The following CNNM2 variants were observed in gnomAD, a reference collection of about 807,000 sequenced individuals.
The protein encoded by CNNM2 is cyclin and CBS domain divalent metal cation transport mediator 2.
In CNNM2, 12 loss-of-function variants were observed where a neutral mutation model predicts 66.9. The observed-to-expected ratio is 0.18, with a 90% CI of 0.11 to 0.29. The LOEUF (loss-of-function observed/expected upper bound fraction) is 0.29, where lower values mean the gene tolerates loss of function less well. Ranked by LOEUF, CNNM2 falls within the 10% of genes least tolerant of loss-of-function variation. The probability of loss-of-function intolerance (pLI) is 1.00; values close to 1 mark genes in which losing one functional copy is unlikely to be tolerated. For synonymous variants in CNNM2, 557 were observed against 501.8 expected (o/e 1.11, Z -1.47); for missense variants, 705 against 1,167.7 (o/e 0.60, Z 5.77).
At chr10:103,000,213 G>A (rs1046446910) in intron 1 of CNNM2, among the ~76,000 whole-genome samples, 1 of 151,616 alleles carries the variant, frequency 6.6e-6, no homozygotes, top group Non-Finnish European at 1.5e-5. Context: ...TCCAGCGTGT[G>A]TGACAAGAGC....
chr10:102,921,030 A>T (rs1387046968), intron 1 of CNNM2: 2 of 948,464 alleles, frequency 2.1e-6, no homozygotes, highest in African/African-American at 1.8e-5. Context: ...CATTAAGTTG[A>T]AGTATGTCTC....
chr10:103,043,965 T>TA (rs766492252), intron 1 of CNNM2, among the ~76,000 whole-genome samples: 16 of 152,228 alleles, frequency 1.1e-4, no homozygotes, highest in Non-Finnish European at 1.0e-4. Context: ...CAAGATCTCT[T>TA]ACAGCTTGCA....
rs527530316 is a variant in CNNM2 at position 103,059,728 on chromosome 10, C to CA, written c.2073+2765dup. ...GATTTTGGTGGAAGTGTTTTTCCAC[C>CA]ATCATAGAAGATCAGGCATACTAAA... On this transcript the variant is annotated intron_variant, in intron 4 of 7. Transcript: ENST00000369878. 2.0e-4 allele frequency among the ~76,000 whole-genome samples: 30 copies of CA among 150,960 alleles called. No individual in the cohort carries two copies. The East Asian group carries it at 3.5e-3, about 18-fold the overall frequency.
At chr10:103,063,692 C>T (rs1008126557) in intron 4 of CNNM2, among the ~76,000 whole-genome samples, 1 of 152,182 alleles carries the variant, frequency 6.6e-6, no homozygotes, top group Non-Finnish European at 1.5e-5. Context: ...CCAGTGAGTC[C>T]TTCTTCCAAG....
Position 102,918,608 on chromosome 10 carries a change from CGGCTGCGGGGCGG to C in CNNM2, c.129_141del (p.Ala44CysfsTer7). The stretch of plus-strand genomic sequence containing the variant: ...GCTCGCGGCCGGGGGATCCTGCAGG[CGGCTGCGGGGCGG>C]CTGCTGCCGCTGCTCCTGCTGAGCT... On this transcript the variant is annotated frameshift_variant, in exon 1 of 8. Transcript: ENST00000369878. LOFTEE classifies it high-confidence loss of function. This position sits in a 1 kb window ranked among gnomAD's most constrained non-coding sequence, Gnocchi z 4.1. 6.4e-7 allele frequency: 1 copy of C among 1,553,700 alleles called. No individual in the cohort carries two copies. Among genetic ancestry groups the C allele is most frequent in the Non-Finnish European group, 8.7e-7 (1 of 1,151,592 alleles).
rs2065778800 is a variant in CNNM2 at position 103,083,810 on chromosome 10, G to A, written c.*6630G>A. The A allele has an allele frequency of 6.6e-6, 1 of 152,206 alleles. No individual in the cohort carries two copies. Among genetic ancestry groups the A allele is most frequent in the Non-Finnish European group, 1.5e-5 (1 of 68,058 alleles). The allele number at this position is 152,206 out of a possible 1,614,324, so 9.4% of individuals were successfully genotyped here. A position where few individuals can be genotyped will look rare whatever the true frequency, so the allele number is the denominator to read the frequency against. ...AGGTAAGACCAAAGGTCTCATTCAG[G>A]CCTCTCAATTGGCTCTTGAAAACAA... On this transcript the variant is annotated 3_prime_UTR_variant, in exon 8 of 8. Coordinates refer to ENST00000369878, the MANE Select transcript of CNNM2 (RefSeq NM_017649.5).
chr10:103,089,821 C>T lies in CNNM2; in HGVS notation c.*12641C>T. 6.2e-7 allele frequency: 1 copy of T among 1,614,054 alleles called. No homozygotes were observed. Among genetic ancestry groups the T allele is most frequent in the Non-Finnish European group, 8.5e-7 (1 of 1,179,960 alleles). ...CGCTTGTAGTCAGTGTCTTTGAAAT[C>T]CACTGATGTGCGGTTCCGGGTGGCA... On this transcript the variant is annotated 3_prime_UTR_variant, in exon 8 of 8. Transcript: ENST00000369878.
intron 1 of CNNM2, among the ~76,000 whole-genome samples, chr10:102,997,920 C>T (rs1484114838): frequency 6.6e-6 from 1 of 152,114 alleles, no homozygotes; most frequent in East Asian, 1.9e-4. Context: ...GACATTACTT[C>T]ATGGTTTAGA....
In CNNM2 at chr10:103,077,158, T is replaced by A. The variant is rs373291118; in HGVS notation, c.2606T>A (p.Leu869Gln). The part of the protein sequence containing the change: ...CVTHSKANHS[L>Q]HNEGAI ...ACGCACAGTAAGGCCAACCACAGCCTGCACAACGAAGGCGCCATCTAGGCC... is the reference window on the plus strand; with the variant it reads ...ACGCACAGTAAGGCCAACCACAGCCAGCACAACGAAGGCGCCATCTAGGCC... The change falls in exon 8 of 8, where the codon CTG (leucine) becomes CAG (glutamine). Residue 869 changes from leucine to glutamine, a missense_variant. Around this residue, in one of 9 missense-constraint regions of CNNM2, gnomAD observed 194 missense variants for 227.6 expected, o/e 0.85. Transcript: ENST00000369878. 4 of 1,613,320 alleles carry A rather than the reference T, an allele frequency of 2.5e-6. No individual in the cohort carries two copies. The African/African-American group carries it at 5.3e-5, about 22-fold the overall frequency.
intron 4 of CNNM2, among the ~76,000 whole-genome samples, chr10:103,057,985 C>T (rs950888894): frequency 3.9e-5 from 6 of 152,132 alleles, no homozygotes; most frequent in Non-Finnish European, 8.8e-5. Context: ...GGATATTAGT[C>T]GATAAAATGC....
Position 103,089,852 on chromosome 10 carries a change from A to G in CNNM2, c.*12672A>G, listed in dbSNP as rs2066234998. ...ATGTGCGGTTCCGGGTGGCAAGAGG[A>G]GACTCCATCTCATTGATATCTACGT... is the stretch of plus-strand genomic sequence containing the variant. On this transcript the variant is annotated 3_prime_UTR_variant, in exon 8 of 8. Coordinates refer to ENST00000369878, the MANE Select transcript of CNNM2 (RefSeq NM_017649.5). 2 of 1,613,994 alleles carry G rather than the reference A, an allele frequency of 1.2e-6. No individual in the cohort carries two copies. Among genetic ancestry groups the G allele is most frequent in the Non-Finnish European group, 1.7e-6 (2 of 1,179,976 alleles).
Position 102,993,918 on chromosome 10 carries a change from C to A in CNNM2, c.1622-55789C>A, listed in dbSNP as rs11191494. 0.14 allele frequency among the ~76,000 whole-genome samples: 21,166 copies of A among 151,952 alleles called. 1,653 individuals carry two copies. The highest frequency in any genetic ancestry group is 0.19 in the East Asian group (990 of 5,158). ...AGGGGCATCCCTTTGGAGGTTCTGG[C>A]TTTATGTCAAAATCTTTTTTCTGTG... On this transcript the variant is annotated intron_variant, in intron 1 of 7. Coordinates refer to ENST00000369878, the MANE Select transcript of CNNM2 (RefSeq NM_017649.5).
In CNNM2 at chr10:103,068,718, T is replaced by A. The variant is rs1456895946; in HGVS notation, c.2163T>A (p.Ser721=). 1 of 1,611,784 alleles carries A rather than the reference T, an allele frequency of 6.2e-7. No individual in the cohort carries two copies. Among genetic ancestry groups the A allele is most frequent in the Non-Finnish European group, 8.5e-7 (1 of 1,178,902 alleles). Residue 721 remains serine (S), a synonymous_variant, in exon 5 of 8, where the codon TCT becomes TCA. Transcript: ENST00000369878. The part of the protein sequence containing the change: ...SYYGVMALTA[S]PVPLSLSRTF... ...ATGGCGTGATGGCCCTGACAGCCTC[T>A]CCAGGTATGTTTGGTTCCCAGCCGC...
intron 1 of CNNM2, among the ~76,000 whole-genome samples, chr10:103,048,514 C>G (rs2065165704): frequency 6.6e-6 from 1 of 152,058 alleles, no homozygotes; most frequent in Non-Finnish European, 1.5e-5. Flanking sequence ...CCGCACCCAG[C>G]TAAAATTTTA....
At chr10:102,983,981 C>A (rs1028024825) in intron 1 of CNNM2, among the ~76,000 whole-genome samples, 7 of 151,968 alleles carry the variant, frequency 4.6e-5, no homozygotes, top group Admixed American at 4.6e-4. Context: ...GTCTCGAACT[C>A]CTGACTTCAG....
chr10:102,952,290 C>T (rs1371485979), intron 1 of CNNM2, among the ~76,000 whole-genome samples: 2 of 152,060 alleles, frequency 1.3e-5, no homozygotes, highest in Non-Finnish European at 1.5e-5. Flanking sequence ...GGGGGCCGGG[C>T]GCAGTGGCTC....
intron 6 of CNNM2, among the ~76,000 whole-genome samples, chr10:103,072,505 G>A (rs934933465): frequency 1.3e-5 from 2 of 151,428 alleles, no homozygotes; most frequent in African/African-American, 2.4e-5. Flanking sequence ...AGGCGACCCC[G>A]CTTCTCCCCG....
At chr10:102,944,038 A>G (rs1213485377) in intron 1 of CNNM2, among the ~76,000 whole-genome samples, 1 of 151,360 alleles carries the variant, frequency 6.6e-6, no homozygotes, top group African/African-American at 2.4e-5. Context: ...TTAAAACCTC[A>G]CATTTCTTAA....
intron 3 of CNNM2, among the ~76,000 whole-genome samples, chr10:103,056,503 G>T (rs898281494): frequency 6.6e-6 from 1 of 152,204 alleles, no homozygotes; most frequent in Admixed American, 6.5e-5. Flanking sequence ...CAAGGAGCCC[G>T]CTTGCCGTTG....
Sources: gnomAD v4.1 joint callset for allele counts (sites outside exome capture counted in the v4.1 genomes callset) on GRCh38, gnomAD v4.1.1 for gene constraint, gnomAD v4.1.1 regional missense constraint, Gnocchi (gnomAD v3.1) non-coding constraint, MANE v1.5 for transcripts, NCBI Gene and HGNC (gene_info 2026-07-23, HGNC 2026-07-21) for gene names.